The following PDE8A variants were observed in gnomAD, a reference collection of about 807,000 sequenced individuals.
PDE8A encodes the protein phosphodiesterase 8A.
In PDE8A, 59 loss-of-function variants were observed where a neutral mutation model predicts 105.0. The ratio of observed to expected loss-of-function variants is 0.56; its 90% CI spans 0.46 to 0.70. PDE8A has a LOEUF of 0.70. Ranked by LOEUF, PDE8A falls within the 30% of genes least tolerant of loss-of-function variation. The pLI, the probability that PDE8A is intolerant of heterozygous loss-of-function variation, is 0.00. For synonymous variants in PDE8A, 355 were observed against 371.9 expected (o/e 0.95, Z 0.52); for missense variants, 1,014 against 1,045.9 (o/e 0.97, Z 0.42).
chr15:85,103,215 G>C (rs1315492456), intron 11 of PDE8A, among the ~76,000 whole-genome samples: 1 of 152,136 alleles, frequency 6.6e-6, no homozygotes, highest in African/African-American at 2.4e-5. Flanking sequence ...GCAAGACTCT[G>C]TCTAAAAAAA....
At chr15:85,011,756 G>C (rs2080242830) in intron 1 of PDE8A, among the ~76,000 whole-genome samples, 1 of 152,116 alleles carries the variant, frequency 6.6e-6, no homozygotes, top group Non-Finnish European at 1.5e-5. Context: ...AGAGTGAACA[G>C]GCAACCTACA....
intron 1 of PDE8A, among the ~76,000 whole-genome samples, chr15:85,039,707 C>T (rs964039619): frequency 3.9e-5 from 6 of 152,124 alleles, no homozygotes; most frequent in Non-Finnish European, 7.4e-5. Context: ...TAGAAACAAT[C>T]GATGTGCTGA....
intron 6 of PDE8A, among the ~76,000 whole-genome samples, chr15:85,084,447 T>G (rs1410330840): frequency 6.6e-6 from 1 of 152,196 alleles, no homozygotes; most frequent in African/African-American, 2.4e-5. Flanking sequence ...TGGTGTGGTA[T>G]ACAAAAGAGA....
intron 1 of PDE8A, among the ~76,000 whole-genome samples, chr15:85,022,528 T>C (rs1413022578): frequency 1.5e-5 from 2 of 133,398 alleles, no homozygotes; most frequent in African/African-American, 3.0e-5. Flanking sequence ...GGTAGTGTCA[T>C]ATATATGCAA....
At position 85,100,119 on chromosome 15, in the gene PDE8A, G is replaced by A. The variant is rs1303308467; in HGVS notation, c.994-37G>A. On this transcript the variant is annotated intron_variant, in intron 10 of 21. Coordinates refer to ENST00000394553, the MANE Select transcript of PDE8A (RefSeq NM_002605.3). ...CAGGAACACCCCAGCAAGATTTTCA[G>A]CAATCAGAACTAATGGCTTTTAAAA... 5 of 1,612,854 alleles carry A rather than the reference G, an allele frequency of 3.1e-6. No homozygotes were observed. The African/African-American group carries it at 6.7e-5, about 22-fold the overall frequency.
At chr15:85,040,310 C>T (rs1596465686) in intron 1 of PDE8A, among the ~76,000 whole-genome samples, 1 of 8,948 alleles carries the variant, frequency 1.1e-4, no homozygotes, top group Admixed American at 8.3e-4. Flanking sequence ...CCCACCTTGG[C>T]GCCTCCCAAA....
At chr15:85,054,072 T>C (rs893915903) in intron 1 of PDE8A, among the ~76,000 whole-genome samples, 2 of 152,254 alleles carry the variant, frequency 1.3e-5, no homozygotes, top group Non-Finnish European at 2.9e-5. Flanking sequence ...TCTATTGAGA[T>C]AATCATGTGG....
chr15:85,116,754 C>T (rs1265699832), intron 16 of PDE8A, among the ~76,000 whole-genome samples: 1 of 152,186 alleles, frequency 6.6e-6, no homozygotes, highest in South Asian at 2.1e-4. Flanking sequence ...GGGATGGCTC[C>T]TCAGGTCTCA....
chr15:85,023,126 A>C (rs2080456381), intron 1 of PDE8A, among the ~76,000 whole-genome samples: 3 of 152,160 alleles, frequency 2.0e-5, no homozygotes, highest in Non-Finnish European at 2.9e-5. Context: ...CATTTGAAGG[A>C]GTTGTTCCCT....
At chr15:85,107,959 A>G (rs2081969681) in intron 11 of PDE8A, among the ~76,000 whole-genome samples, 1 of 152,172 alleles carries the variant, frequency 6.6e-6, no homozygotes, top group African/African-American at 2.4e-5. Flanking sequence ...GAAACTAGAA[A>G]GGAGTAGTAA....
intron 21 of PDE8A, among the ~76,000 whole-genome samples, 180 bp from the exon 22 acceptor site, chr15:85,137,617 G>C (rs1196447000): frequency 6.6e-6 from 1 of 152,192 alleles, no homozygotes; most frequent in African/African-American, 2.4e-5. Flanking sequence ...TGGCATTGAG[G>C]ACAGGGTTTA....
At chr15:85,100,364 A>G in intron 11 of PDE8A, 166 bp downstream of exon 11, 1 of 633,988 alleles carries the variant, frequency 1.6e-6, no homozygotes, top group Non-Finnish European at 2.7e-6. Flanking sequence ...ACTTGTACAG[A>G]GGACTTGAGC....
intron 1 of PDE8A, among the ~76,000 whole-genome samples, chr15:85,003,308 C>T (rs1386975296): frequency 6.6e-6 from 1 of 152,194 alleles, no homozygotes; most frequent in Non-Finnish European, 1.5e-5. Context: ...CCATCAGTAG[C>T]TCCTGGCCTC....
intron 1 of PDE8A, among the ~76,000 whole-genome samples, chr15:85,018,219 T>G (rs2141347532): frequency 6.6e-6 from 1 of 152,264 alleles, no homozygotes; most frequent in East Asian, 1.9e-4. Context: ...TTGGGATATA[T>G]TTTGGAAGTA....
chr15:85,084,433 A>C lies in PDE8A; in HGVS notation c.635+789A>C, dbSNP rs1437083670. ...AGTGCTGCTGAGCAGAGGTGTTTGAAGGCTGGTGTGGTATACAAAAGAGAT... is the reference window on the plus strand; with the variant it reads ...AGTGCTGCTGAGCAGAGGTGTTTGACGGCTGGTGTGGTATACAAAAGAGAT... On this transcript the variant is annotated intron_variant, in intron 6 of 21. Coordinates refer to ENST00000394553, the MANE Select transcript of PDE8A (RefSeq NM_002605.3). Among the ~76,000 whole-genome samples the C allele has an allele frequency of 2.6e-5, 4 of 152,314 alleles. No individual in the cohort carries two copies. The East Asian group carries it at 7.7e-4, about 29-fold the overall frequency.
At chr15:85,029,020 G>A (rs896310982) in intron 1 of PDE8A, among the ~76,000 whole-genome samples, 6 of 152,088 alleles carry the variant, frequency 3.9e-5, no homozygotes, top group Non-Finnish European at 8.8e-5. Flanking sequence ...AGAAATGTTC[G>A]TCAAGCTGAA....
chr15:85,084,149 G>C (rs1188558390), intron 6 of PDE8A, among the ~76,000 whole-genome samples: 2 of 151,698 alleles, frequency 1.3e-5, no homozygotes, highest in East Asian at 3.9e-4. Context: ...CTTGACAAAA[G>C]AAAAATAAAG....
chr15:85,061,474 A>G (rs1302932586), intron 1 of PDE8A, among the ~76,000 whole-genome samples: 1 of 152,032 alleles, frequency 6.6e-6, no homozygotes, highest in African/African-American at 2.4e-5. Context: ...TCCTGGCCTC[A>G]GGTGATCTGT....
At chr15:85,123,335 G>T in intron 19 of PDE8A, 142 bp downstream of exon 19, 1 of 480,264 alleles carries the variant, frequency 2.1e-6, no homozygotes, top group Non-Finnish European at 3.7e-6. Flanking sequence ...GAACTAATGG[G>T]ATACACACAC....
Sources: allele counts gnomAD v4.1 joint callset (sites outside exome capture counted in the v4.1 genomes callset), GRCh38; gene constraint gnomAD v4.1.1; transcripts MANE v1.5; gene names NCBI Gene and HGNC (gene_info 2026-07-23, HGNC 2026-07-21).